The following PMEL variants were observed in gnomAD, a reference collection of about 807,000 sequenced individuals.
The protein encoded by PMEL is melanocyte protein PMEL.
Under a neutral mutation model 64.9 loss-of-function variants are expected in PMEL, and 53 were observed. That is an observed-to-expected ratio of 0.82 (90% CI 0.66 to 1.03). The LOEUF is 1.03. Among genes scored for constraint, PMEL ranks in the 50% least tolerant of loss-of-function variants. The pLI is 0.00. For synonymous variants in PMEL, 299 were observed against 316.2 expected (o/e 0.95, Z 0.58); for missense variants, 716 against 814.9 (o/e 0.88, Z 1.48).
intron 3 of PMEL, 43 bp downstream of exon 3, chr12:55,961,274 C>T (rs766264178): frequency 2.2e-5 from 35 of 1,595,498 alleles, no homozygotes; most frequent in Admixed American, 1.7e-4. Flanking sequence ...TACCAGGGAA[C>T]CTGAGCCCTA....
chr12:55,961,195 A>T (rs1188840477), intron 3 of PMEL, 122 bp downstream of exon 3: 3 of 888,344 alleles, frequency 3.4e-6, no homozygotes, highest in Non-Finnish European at 5.2e-6. Context: ...ACAGAGCGAG[A>T]CTCCGTCTCA....
rs1889109951 is a variant in PMEL, at chr12:55,961,733, C to T, written c.77-1G>A. 1 of 1,610,010 alleles carries T rather than the reference C, an allele frequency of 6.2e-7. No homozygotes were observed. The highest frequency in any genetic ancestry group is 1.1e-5 in the South Asian group (1 of 90,994). On this transcript the variant is annotated splice_acceptor_variant, in intron 1 of 10. Transcript: ENST00000548747. LOFTEE classifies it high-confidence loss of function. ...CCAAGCCAGTCCTGGTTTCTGGGTA[C>T]TAAAAGGAATGTGCCATGAAGGGCC...
rs1888981864 is a variant in PMEL at position 55,958,481 on chromosome 12, T to C, written c.461A>G (p.Lys154Arg). 4 of 1,613,998 alleles carry C rather than the reference T, an allele frequency of 2.5e-6. No individual in the cohort carries two copies. Among genetic ancestry groups the C allele is most frequent in the Non-Finnish European group, 3.4e-6 (4 of 1,179,962 alleles). ...AGAAGGGAGTCCCTCACCCCAGGTCTTCCAGACATAAACAAAGCTTCTCTT... is the reference window on the plus strand; with the variant it reads ...AGAAGGGAGTCCCTCACCCCAGGTCCTCCAGACATAAACAAAGCTTCTCTT... ...SQKRSFVYVWKTWGQYWQVLG... is the reference protein window; with the variant it reads ...SQKRSFVYVWRTWGQYWQVLG... Residue 154 changes from lysine (K) to arginine (R), a missense_variant, in exon 4 of 11, where the codon AAG becomes AGG. Transcript: ENST00000548747.
chr12:55,957,468 T>C lies in PMEL; in HGVS notation c.835A>G (p.Thr279Ala). ...GTGACTGGGCCAGGCTCCAGGTAAGTATGAGTGACCACAAGTGCCCGAGAG... is the reference window on the plus strand; with the variant it reads ...GTGACTGGGCCAGGCTCCAGGTAAGCATGAGTGACCACAAGTGCCCGAGAG... ...LISRALVVTH[T>A]YLEPGPVTAQ... is the part of the protein sequence containing the mutation. The change falls in exon 6 of 11, where the codon ACT (threonine) becomes GCT (alanine). Residue 279 changes from threonine (T) to alanine (A), a missense_variant. By Grantham distance (58) the Thr-to-Ala change is moderately conservative. Coordinates refer to ENST00000548747, the MANE Select transcript of PMEL (RefSeq NM_001384361.1). 1 of 1,613,890 alleles carries C rather than the reference T, an allele frequency of 6.2e-7. No homozygotes were observed. Among genetic ancestry groups the C allele is most frequent in the Non-Finnish European group, 8.5e-7 (1 of 1,179,956 alleles).
Position 55,955,354 on chromosome 12 carries a change from T to A in PMEL, c.1770A>T (p.Glu590Asp). 4 of 1,614,180 alleles carry A rather than the reference T, an allele frequency of 2.5e-6. No individual in the cohort carries two copies. Among genetic ancestry groups the A allele is most frequent in the Non-Finnish European group, 2.5e-6 (3 of 1,180,026 alleles). ...VSTQLIMPGQEAGLGQVPLIV... is the reference protein window; with the variant it reads ...VSTQLIMPGQDAGLGQVPLIV... ...TCAGCGGAACCTGCCCAAGGCCTGC[T>A]TCTTGACCTGTGAGAAGAATCCCAG... The change falls in exon 10 of 11, where the codon GAA (glutamate) becomes GAT (aspartate). Residue 590 changes from glutamate to aspartate, a missense_variant. By Grantham distance (45) the Glu-to-Asp change is conservative (BLOSUM62 2). Transcript: ENST00000548747.
Position 55,961,459 on chromosome 12 carries a change from A to G in PMEL, c.192T>C (p.Gly64=). 1 of 1,614,060 alleles carries G rather than the reference A, an allele frequency of 6.2e-7. No individual in the cohort carries two copies. Among genetic ancestry groups the G allele is most frequent in the Admixed American group, 1.7e-5 (1 of 60,014 alleles). ...CATTACTGACCTTGAGGGACACTTG[A>G]CCACCTGGGAAGGAAAGCTACATTA... ...EAQRLDCWRG[G]QVSLKVSNDG... Residue 64 remains glycine, a synonymous_variant, in exon 3 of 11, where the codon GGT becomes GGC. Transcript: ENST00000548747.
chr12:55,963,968 C>CCTT (rs1388287852), intron 1 of PMEL, among the ~76,000 whole-genome samples: 1 of 151,768 alleles, frequency 6.6e-6, no homozygotes, highest in African/African-American at 2.4e-5. Context: ...GCAGAAACTT[C>CCTT]CTTCCCTTTC....
intron 10 of PMEL, among the ~76,000 whole-genome samples, chr12:55,954,586 T>C (rs1050006247): frequency 1.3e-5 from 2 of 152,146 alleles, no homozygotes; most frequent in Admixed American, 1.3e-4. Context: ...GCCTGGGGGA[T>C]CTGCCCTTCT....
chr12:55,958,718 G>A, intron 3 of PMEL, 111 bp from the exon 4 acceptor site: 1 of 1,088,180 alleles, frequency 9.2e-7, no homozygotes, highest in Non-Finnish European at 1.3e-6. Context: ...ATATTCCCTA[G>A]CTAGAAAGTA....
At chr12:55,960,034 A>T (rs989773430) in intron 3 of PMEL, among the ~76,000 whole-genome samples, 1 of 152,122 alleles carries the variant, frequency 6.6e-6, no homozygotes, top group South Asian at 2.1e-4. Flanking sequence ...TACTAAAAAT[A>T]CAAAAGAATT....
chr12:55,956,933 G>A lies in PMEL; in HGVS notation c.1354+16C>T, dbSNP rs945812949. The A allele has an allele frequency of 8.7e-6, 14 of 1,610,844 alleles. No individual in the cohort carries two copies. The highest frequency in any genetic ancestry group is 2.2e-5 in the South Asian group (2 of 90,790). On this transcript the variant is annotated intron_variant, in intron 6 of 10. Transcript: ENST00000548747. Reference sequence around the variant, plus strand: ...TACCCCACCTCCGTGAACCTCATTCGCACTGATACTCTTACCTGTAATACT... The same window carrying A: ...TACCCCACCTCCGTGAACCTCATTCACACTGATACTCTTACCTGTAATACT...
intron 1 of PMEL, among the ~76,000 whole-genome samples, chr12:55,963,686 G>A (rs1255379696): frequency 6.6e-6 from 1 of 152,160 alleles, no homozygotes; most frequent in Non-Finnish European, 1.5e-5. Flanking sequence ...ATACATTAAG[G>A]AATATAGTAA....
rs142781578 is a variant in PMEL at position 55,957,495 on chromosome 12, T to G, written c.808A>C (p.Ile270Leu). Residue 270 changes from isoleucine (I) to leucine (L), a missense_variant, in exon 6 of 11, where the codon ATC (isoleucine) becomes CTC (leucine). Coordinates refer to ENST00000548747, the MANE Select transcript of PMEL (RefSeq NM_001384361.1). Reference protein sequence around the residue: ...WDFGDSSGTLISRALVVTHTY... With the variant: ...WDFGDSSGTLLSRALVVTHTY... Reference sequence around the variant, plus strand: ...TGAGTGACCACAAGTGCCCGAGAGATCAGGGTTCCACTACTGTCTCCAAAG... The same window carrying G: ...TGAGTGACCACAAGTGCCCGAGAGAGCAGGGTTCCACTACTGTCTCCAAAG... 2.9e-5 allele frequency: 47 copies of G among 1,613,864 alleles called. No homozygotes were observed. The African/African-American group carries it at 5.1e-4, about 17-fold the overall frequency.
At position 55,954,250 on chromosome 12, in the gene PMEL, AC is replaced by A; in HGVS notation, c.1949del (p.Gly650ValfsTer20). ...GCCCACTGAGGAGGGGGCTGTTCTC[AC>A]CAATGGGACAAGAGCAGAAGATGCG... Reference protein sequence around the residue: ...LPRIFCSCPIGENSPLLSGQQ... With the variant: ...LPRIFCSCPIXENSPLLSGQQ... On this transcript the variant is annotated frameshift_variant, in exon 11 of 11. Transcript: ENST00000548747. LOFTEE classifies it high-confidence loss of function. The A allele has an allele frequency of 6.2e-7, 1 of 1,613,734 alleles. No homozygotes were observed. The highest frequency in any genetic ancestry group is 8.5e-7 in the Non-Finnish European group (1 of 1,179,736).
chr12:55,962,167 C>T (rs1299039268), intron 1 of PMEL, among the ~76,000 whole-genome samples: 6 of 150,950 alleles, frequency 4.0e-5, no homozygotes, highest in East Asian at 4.1e-4. Flanking sequence ...TTTATTTGGC[C>T]GGGTGTGGTG....
chr12:55,965,895 C>T, intron 1 of PMEL, 41 bp downstream of exon 1: 1 of 1,613,092 alleles, frequency 6.2e-7, no homozygotes, highest in East Asian at 2.2e-5. Flanking sequence ...GGAATTCATC[C>T]CCAAGTTCAC....
At chr12:55,955,906 G>C in intron 7 of PMEL, 43 bp from the exon 8 acceptor site, 2 of 1,548,160 alleles carry the variant, frequency 1.3e-6, no homozygotes, top group African/African-American at 1.4e-5. Flanking sequence ...CCTCTACCTG[G>C]CCTCCCCAAA....
rs1888917743 is a variant in PMEL, at chr12:55,957,217, T to C, written c.1086A>G (p.Ala362=). 7 of 1,614,214 alleles carry C rather than the reference T, an allele frequency of 4.3e-6. No homozygotes were observed. Among genetic ancestry groups the C allele is most frequent in the Non-Finnish European group, 5.9e-6 (7 of 1,180,036 alleles). ...TCTCTGCAGTTGGCATCTGCACAGGTGCAGTGCTTATGACTTCAGTGGTTG... is the reference window on the plus strand; with the variant it reads ...TCTCTGCAGTTGGCATCTGCACAGGCGCAGTGCTTATGACTTCAGTGGTTG... The part of the protein sequence containing the change: ...QVPTTEVIST[A]PVQMPTAEST... The change falls in exon 6 of 11, where the codon GCA becomes GCG. Residue 362 remains alanine (A), a synonymous_variant. Transcript: ENST00000548747.
At position 55,954,344 on chromosome 12, in the gene PMEL, C is replaced by T. The variant is rs1457268494; in HGVS notation, c.1856G>A (p.Arg619Lys). 6.2e-7 allele frequency: 1 copy of T among 1,613,992 alleles called. No individual in the cohort carries two copies. Among genetic ancestry groups the T allele is most frequent in the Non-Finnish European group, 8.5e-7 (1 of 1,180,008 alleles). The change falls in exon 11 of 11, where the codon AGA becomes AAA. Residue 619 changes from arginine to lysine, a missense_variant. Physicochemically the swap from Arg to Lys is conservative, Grantham distance 26 (BLOSUM62 2). Transcript: ENST00000548747. ...VVLASLIYRR[R>K]LMKQDFSVPQ... ...TACGGAGAAGTCTTGCTTCATAAGT[C>T]TGCGCCTGATATTGGGAGAAGGGGT...
Sources: gnomAD v4.1 joint callset for allele counts (sites outside exome capture counted in the v4.1 genomes callset) on GRCh38, gnomAD v4.1.1 for gene constraint, MANE v1.5 for transcripts, NCBI Gene and HGNC (gene_info 2026-07-23, HGNC 2026-07-21) for gene names.